The following PTPRO variants were observed in gnomAD, a reference collection of about 807,000 sequenced individuals.
The protein encoded by PTPRO is protein tyrosine phosphatase receptor type O, also known as receptor-type tyrosine-protein phosphatase O.
A neutral mutation model predicts 145.2 loss-of-function variants in PTPRO; 62 were observed. That is an observed-to-expected ratio of 0.43 (90% CI 0.35 to 0.53). PTPRO has a LOEUF of 0.53. PTPRO is among the 20% of genes least tolerant of loss of function. The probability of loss-of-function intolerance (pLI) is 0.01; values close to 1 mark genes in which losing one functional copy is unlikely to be tolerated. For missense variants in PTPRO, 1,345 were observed against 1,482.7 expected, an observed-to-expected ratio of 0.91 and a Z score of 1.53; for synonymous variants, 565 against 514.7, an observed-to-expected ratio of 1.10 and a Z score of -1.32.
At chr12:15,560,502 A>AT (rs1468303993) in intron 17 of PTPRO, among the ~76,000 whole-genome samples, 2 of 151,916 alleles carry the variant, frequency 1.3e-5, no homozygotes, top group Non-Finnish European at 2.9e-5. Flanking sequence ...GTTTTTTCCC[A>AT]TTTAGTACTA....
chr12:15,590,693 T>C (rs1944533050), intron 25 of PTPRO, among the ~76,000 whole-genome samples: 1 of 152,244 alleles, frequency 6.6e-6, no homozygotes, highest in Non-Finnish European at 1.5e-5. Flanking sequence ...AGCAGGATCA[T>C]ACCACTTGGG....
At chr12:15,579,006 A>G in intron 20 of PTPRO, 63 bp downstream of exon 20, 1 of 1,398,192 alleles carries the variant, frequency 7.2e-7, no homozygotes. Flanking sequence ...GTCATTGCAG[A>G]TTAATCAATT....
chr12:15,411,768 T>C (rs918099232), intron 1 of PTPRO, among the ~76,000 whole-genome samples: 1 of 152,226 alleles, frequency 6.6e-6, no homozygotes, highest in Non-Finnish European at 1.5e-5. Flanking sequence ...AGTGGTGTCA[T>C]GTTATTCCAT....
intron 1 of PTPRO, among the ~76,000 whole-genome samples, chr12:15,402,296 G>A (rs7960224): frequency 0.021 from 3,241 of 152,132 alleles, 123 homozygotes; most frequent in African/African-American, 0.073. Flanking sequence ...GTTGAGGCAG[G>A]AGAATCCCTT....
chr12:15,372,102 T>A (rs991394742), intron 1 of PTPRO, among the ~76,000 whole-genome samples: 1 of 152,232 alleles, frequency 6.6e-6, no homozygotes, highest in Non-Finnish European at 1.5e-5. Context: ...CAAAATTCTT[T>A]AAATTGTGAA....
At chr12:15,392,094 G>T (rs1939204059) in intron 1 of PTPRO, among the ~76,000 whole-genome samples, 2 of 152,122 alleles carry the variant, frequency 1.3e-5, no homozygotes, top group African/African-American at 4.8e-5. Context: ...GTGTTTATAT[G>T]CCCATTCTTC....
At chr12:15,392,180 G>T (rs1939206268) in intron 1 of PTPRO, among the ~76,000 whole-genome samples, 1 of 152,154 alleles carries the variant, frequency 6.6e-6, no homozygotes, top group African/African-American at 2.4e-5. Flanking sequence ...ATATGTATCA[G>T]ATGTCTTATA....
At chr12:15,546,100 A>C (rs1943281897) in intron 12 of PTPRO, among the ~76,000 whole-genome samples, 1 of 152,050 alleles carries the variant, frequency 6.6e-6, no homozygotes, top group Admixed American at 6.6e-5. Context: ...TTTCTGTCTG[A>C]ATTGTTCCAG....
intron 10 of PTPRO, 51 bp from the exon 11 acceptor site, chr12:15,524,763 C>A (rs1248252834): frequency 1.3e-6 from 2 of 1,559,692 alleles, no homozygotes; most frequent in East Asian, 4.5e-5. Context: ...CTGGTAAGTA[C>A]TTTATTTATC....
At chr12:15,560,842 C>T (rs1366890777) in intron 17 of PTPRO, among the ~76,000 whole-genome samples, 1 of 152,084 alleles carries the variant, frequency 6.6e-6, no homozygotes, top group Non-Finnish European at 1.5e-5. Context: ...CGGAGATTTA[C>T]TGTCTTAGTA....
chr12:15,410,897 C>A (rs1565613669), intron 1 of PTPRO: 1 of 152,124 alleles, frequency 6.6e-6, no homozygotes, highest in Non-Finnish European at 1.5e-5. Flanking sequence ...AATTATATGT[C>A]CCTGACCTAC....
intron 10 of PTPRO, among the ~76,000 whole-genome samples, chr12:15,520,710 T>A (rs1181064968): frequency 1.3e-5 from 2 of 152,172 alleles, no homozygotes; most frequent in South Asian, 2.1e-4. Flanking sequence ...ATTTTTAAAG[T>A]CATAGGCTGA....
chr12:15,544,290 G>A (rs1307433654), intron 12 of PTPRO, among the ~76,000 whole-genome samples: 1 of 151,916 alleles, frequency 6.6e-6, no homozygotes, highest in East Asian at 1.9e-4. Flanking sequence ...AGATCACAAG[G>A]TCAGGAGATC....
At chr12:15,549,258 AC>A (rs781146947) in intron 14 of PTPRO, 32 bp downstream of exon 14, 2 of 1,514,218 alleles carry the variant, frequency 1.3e-6, no homozygotes, top group African/African-American at 3.0e-5. Flanking sequence ...TAATTTTCTC[AC>A]TTTTTTTGAA....
rs190312999 is a variant in PTPRO, at chr12:15,486,299, A to G, written c.349+2052A>G. Among the ~76,000 whole-genome samples, 188 of 152,282 alleles carry G rather than the reference A, an allele frequency of 1.2e-3. 1 individual carries two copies. Among genetic ancestry groups the G allele is most frequent in the African/African-American group, 4.4e-3 (182 of 41,570 alleles). On this transcript the variant is annotated intron_variant, in intron 2 of 26. Transcript: ENST00000281171. ...TTTTGACTATATGTAATGTCCCTCTATATTCCAAGCAATATGCCTTGTGTT... is the reference window on the plus strand; with the variant it reads ...TTTTGACTATATGTAATGTCCCTCTGTATTCCAAGCAATATGCCTTGTGTT...
intron 11 of PTPRO, 56 bp downstream of exon 11, chr12:15,525,021 T>C: frequency 6.3e-7 from 1 of 1,581,412 alleles, no homozygotes; most frequent in African/African-American, 1.3e-5. Context: ...TTATGAACTA[T>C]TGAAAACCAC....
Position 15,562,910 on chromosome 12 carries a change from T to C in PTPRO, c.2711+2634T>C, listed in dbSNP as rs372678235. On this transcript the variant is annotated intron_variant, in intron 17 of 26. Coordinates refer to ENST00000281171, the MANE Select transcript of PTPRO (RefSeq NM_030667.3). ...ATTCTATTTGAAGAATGATATAATA[T>C]ACTAAAGTCCTTTTTAAGGTTTGGG... Among the ~76,000 whole-genome samples, 7 of 152,102 alleles carry C rather than the reference T, an allele frequency of 4.6e-5. No individual in the cohort carries two copies. The East Asian group carries it at 1.3e-3, about 29-fold the overall frequency.
At chr12:15,467,078 T>A (rs1379052820) in intron 1 of PTPRO, among the ~76,000 whole-genome samples, 1 of 151,952 alleles carries the variant, frequency 6.6e-6, no homozygotes, top group Non-Finnish European at 1.5e-5. Flanking sequence ...CTTCAGGGAG[T>A]TGTTAAGAGG....
In PTPRO at chr12:15,477,534, A is replaced by G. The variant is rs1341953271; in HGVS notation, c.76-6440A>G. Among the ~76,000 whole-genome samples the G allele has an allele frequency of 2.6e-5, 4 of 152,156 alleles. No individual in the cohort carries two copies. The South Asian group carries it at 6.2e-4, about 24-fold the overall frequency. ...AAATGCATTGTATTCCCCACACTAA[A>G]GTAAGCTGATGATGGTAGAGGAAGA... is the stretch of plus-strand genomic sequence containing the variant. On this transcript the variant is annotated intron_variant, in intron 1 of 26. Coordinates refer to ENST00000281171, the MANE Select transcript of PTPRO (RefSeq NM_030667.3).
Sources: allele counts gnomAD v4.1 joint callset (sites outside exome capture counted in the v4.1 genomes callset), GRCh38; gene constraint gnomAD v4.1.1; transcripts MANE v1.5; gene names NCBI Gene and HGNC (gene_info 2026-07-23, HGNC 2026-07-21).